The following CBFA2T3 variants were observed in gnomAD, a reference collection of about 807,000 sequenced individuals.
The protein encoded by CBFA2T3 is transcriptional corepressor CBFA2T3.
A neutral mutation model predicts 58.6 loss-of-function variants in CBFA2T3; 31 were observed. The observed-to-expected ratio is 0.53, with a 90% CI of 0.40 to 0.71. The LOEUF is 0.71. Among genes scored for constraint, CBFA2T3 ranks in the 30% least tolerant of loss-of-function variants. The pLI is 0.00. For synonymous variants in CBFA2T3, 531 were observed against 421.9 expected, an observed-to-expected ratio of 1.26 and a Z score of -3.17; for missense variants, 1,076 against 963.1, an observed-to-expected ratio of 1.12 and a Z score of -1.55.
chr16:88,950,507 G>A lies in CBFA2T3; in HGVS notation c.151+26150C>T, dbSNP rs779486397. The A allele has an allele frequency of 4.2e-4, 170 of 409,556 alleles. 6 individuals carry two copies. Among genetic ancestry groups the A allele is most frequent in the Non-Finnish European group, 6.6e-4 (139 of 209,186 alleles). 25.4% of individuals were successfully genotyped at this position (409,556 alleles called of 1,614,324 possible). A position where few individuals can be genotyped will look rare whatever the true frequency, so the allele number is the denominator to read the frequency against. On this transcript the variant is annotated intron_variant, in intron 1 of 11. Coordinates refer to ENST00000268679, the MANE Select transcript of CBFA2T3 (RefSeq NM_005187.6). ...GGCACCGCCACAGAGGGTCAGGAGTGTTGGCACCTGTCTTCCGGGTCAGTT... is the reference window on the plus strand; with the variant it reads ...GGCACCGCCACAGAGGGTCAGGAGTATTGGCACCTGTCTTCCGGGTCAGTT...
rs974950837 is a variant in CBFA2T3, at chr16:88,880,713, C to G, written c.1471+7G>C. 4 of 1,555,964 alleles carry G rather than the reference C, an allele frequency of 2.6e-6. No individual in the cohort carries two copies. In the East Asian group the frequency reaches 7.2e-5, roughly 28 times the overall value. On this transcript the variant is annotated splice_region_variant and intron_variant, in intron 10 of 11. Transcript: ENST00000268679. Reference sequence around the variant, plus strand: ...TCTGCTGGCCAGGCCCCTGCACCCCCACTCACCAGCCTTCCTCCAGATGTC... The same window carrying G: ...TCTGCTGGCCAGGCCCCTGCACCCCGACTCACCAGCCTTCCTCCAGATGTC...
chr16:88,897,686 G>T (rs1187898426), intron 3 of CBFA2T3, among the ~76,000 whole-genome samples: 1 of 152,236 alleles, frequency 6.6e-6, no homozygotes, highest in African/African-American at 2.4e-5. Context: ...AGGAACAGTT[G>T]CAGCTGGGAC....
intron 2 of CBFA2T3, among the ~76,000 whole-genome samples, chr16:88,901,196 T>C (rs1970084723): frequency 6.6e-6 from 1 of 152,184 alleles, no homozygotes; most frequent in African/African-American, 2.4e-5. Context: ...CTTTGACCCA[T>C]GGCCGGCCCT....
chr16:88,903,853 T>C (rs1404981207), intron 1 of CBFA2T3, among the ~76,000 whole-genome samples: 2 of 151,848 alleles, frequency 1.3e-5, no homozygotes, highest in Non-Finnish European at 2.9e-5. Flanking sequence ...GGATGCCCCC[T>C]GTTTGGACTT....
At chr16:88,894,579 T>C (rs1449728052) in intron 3 of CBFA2T3, among the ~76,000 whole-genome samples, 1 of 147,610 alleles carries the variant, frequency 6.8e-6, no homozygotes, top group South Asian at 2.1e-4. Context: ...CACACACACA[T>C]GCATACATAT....
At chr16:88,880,979 G>A in intron 9 of CBFA2T3, 191 bp from the exon 10 acceptor site, 2 of 674,790 alleles carry the variant, frequency 3.0e-6, no homozygotes, top group South Asian at 1.6e-5. Context: ...GGGCATTGGA[G>A]CTGTGGACCT....
rs1970095496 is a variant in CBFA2T3 at position 88,901,490 on chromosome 16, TG to T, written c.304+13del. ...AAACACCTGGCCCTCGGCTGCCAGG[TG>T]GGGGCTACTTACGTGTGTGTGGCGT... is the stretch of plus-strand genomic sequence containing the variant. On this transcript the variant is annotated intron_variant, in intron 2 of 11. Transcript: ENST00000268679. The T allele has an allele frequency of 4.2e-6, 6 of 1,419,528 alleles. No homozygotes were observed. Among genetic ancestry groups the T allele is most frequent in the African/African-American group, 3.0e-5 (2 of 66,010 alleles). 87.9% of individuals were successfully genotyped at this position (1,419,528 alleles called of 1,614,324 possible).
intron 5 of CBFA2T3, among the ~76,000 whole-genome samples, chr16:88,890,459 G>C (rs927566065): frequency 6.6e-6 from 1 of 152,204 alleles, no homozygotes; most frequent in Non-Finnish European, 1.5e-5. Context: ...GGCTGGGCCC[G>C]AAGGTGTGGC....
chr16:88,973,996 G>A lies in CBFA2T3; in HGVS notation c.151+2661C>T, dbSNP rs149085471. 1.4e-3 allele frequency among the ~76,000 whole-genome samples: 215 copies of A among 152,100 alleles called. 1 individual carries two copies. The East Asian group carries it at 0.02, about 14-fold the overall frequency. The stretch of plus-strand genomic sequence containing the variant: ...GCTCACCACCTCCCCGAGATCCCAC[G>A]TCGTCCCTCTAAGGTGACACCAGGC... On this transcript the variant is annotated intron_variant, in intron 1 of 11. Transcript: ENST00000268679.
chr16:88,975,336 T>C (rs1232172618), intron 1 of CBFA2T3, among the ~76,000 whole-genome samples: 2 of 149,776 alleles, frequency 1.3e-5, no homozygotes, highest in African/African-American at 4.9e-5. Flanking sequence ...CCTTCCACGG[T>C]AGACACCCCC....
chr16:88,975,457 C>T (rs149612206), intron 1 of CBFA2T3, among the ~76,000 whole-genome samples: 99 of 152,346 alleles, frequency 6.5e-4, no homozygotes, highest in South Asian at 3.3e-3. Context: ...GGGAGCAGGT[C>T]GGAAGGGTCT....
chr16:88,890,877 C>T (rs531963141), intron 5 of CBFA2T3, among the ~76,000 whole-genome samples: 14 of 152,152 alleles, frequency 9.2e-5, no homozygotes, highest in South Asian at 2.1e-4. Flanking sequence ...CAACGCTCAG[C>T]TAATTTTTAT....
intron 1 of CBFA2T3, among the ~76,000 whole-genome samples, chr16:88,968,564 C>T (rs999022217): frequency 2.0e-5 from 3 of 152,332 alleles, no homozygotes; most frequent in East Asian, 3.9e-4. Flanking sequence ...TGCTGGTGAC[C>T]TTTTAGAACA....
intron 3 of CBFA2T3, among the ~76,000 whole-genome samples, chr16:88,897,758 T>G (rs895003884): frequency 2.0e-5 from 3 of 152,204 alleles, no homozygotes; most frequent in African/African-American, 4.8e-5. Context: ...GGACAGTGTC[T>G]CGCCCCTCCC....
At chr16:88,879,183 G>A (rs377551262) in intron 11 of CBFA2T3, 87 bp downstream of exon 11, 31 of 1,196,516 alleles carry the variant, frequency 2.6e-5, no homozygotes, top group South Asian at 2.6e-4. Flanking sequence ...GATGCCACGT[G>A]GAGGCTCAGA....
At chr16:88,916,154 A>G (rs557538633) in intron 1 of CBFA2T3, among the ~76,000 whole-genome samples, 10 of 139,260 alleles carry the variant, frequency 7.2e-5, no homozygotes, top group Admixed American at 2.1e-4. Context: ...GTGTGTGTGC[A>G]TGTGTATTCA....
chr16:88,877,735 C>A (rs548298287), intron 11 of CBFA2T3, among the ~76,000 whole-genome samples: 1 of 152,232 alleles, frequency 6.6e-6, no homozygotes, highest in South Asian at 2.1e-4. Context: ...CTGTGGTGGG[C>A]TCTGCTCCCT....
At position 88,892,501 on chromosome 16, in the gene CBFA2T3, G is replaced by A. The variant is rs375082391; in HGVS notation, c.380-16C>T. 59 of 1,609,684 alleles carry A rather than the reference G, an allele frequency of 3.7e-5. No individual in the cohort carries two copies. The highest frequency in any genetic ancestry group is 1.9e-4 in the South Asian group (17 of 91,082). On this transcript the variant is annotated splice_polypyrimidine_tract_variant and intron_variant, in intron 3 of 11. Coordinates refer to ENST00000268679, the MANE Select transcript of CBFA2T3 (RefSeq NM_005187.6). Reference sequence around the variant, plus strand: ...CCGTTCATCACTGCAGGAGGGAAGCGGACATGAGGACACAAAGGTGATGGT... The same window carrying A: ...CCGTTCATCACTGCAGGAGGGAAGCAGACATGAGGACACAAAGGTGATGGT...
chr16:88,941,137 GCT>G, intron 1 of CBFA2T3: 32 of 983,942 alleles, frequency 3.3e-5, no homozygotes, highest in Non-Finnish European at 3.9e-5. Flanking sequence ...GCGGCTGCGC[GCT>G]GTCTTCTGGC....
Sources: allele counts gnomAD v4.1 joint callset (sites outside exome capture counted in the v4.1 genomes callset), GRCh38; gene constraint gnomAD v4.1.1; transcripts MANE v1.5; gene names NCBI Gene and HGNC (gene_info 2026-07-23, HGNC 2026-07-21).